The following GLIPR2 variants were observed in gnomAD, a reference collection of about 807,000 sequenced individuals.
GLIPR2 encodes Golgi-associated plant pathogenesis-related protein 1.
GLIPR2 carries 21 observed loss-of-function variants against 20.4 expected under a neutral mutation model. The observed-to-expected ratio is 1.03, with a 90% confidence interval of 0.73 to 1.48. The LOEUF is 1.48. Among genes scored for constraint, GLIPR2 ranks in the 40% most tolerant of loss-of-function variants. The pLI is 0.00. For synonymous variants in GLIPR2, 91 were observed against 80.5 expected, an observed-to-expected ratio of 1.13 and a Z score of -0.70; for missense variants, 205 against 200.1, an observed-to-expected ratio of 1.02 and a Z score of -0.15.
chr9:36,145,773 T>TGGTTGGTTCGA (rs1320705955), intron 1 of GLIPR2, among the ~76,000 whole-genome samples: 22 of 152,208 alleles, frequency 1.4e-4, no homozygotes, highest in African/African-American at 5.3e-4. Context: ...TGGAAGATGT[T>TGGTTGGTTCGA]GGATGGATGG....
At chr9:36,149,661 G>T (rs1305824260) in intron 3 of GLIPR2, among the ~76,000 whole-genome samples, 1 of 152,202 alleles carries the variant, frequency 6.6e-6, no homozygotes, top group East Asian at 1.9e-4. Context: ...CTACAGAGAG[G>T]GGGTTGGGTA....
intron 1 of GLIPR2, among the ~76,000 whole-genome samples, chr9:36,146,601 AT>A (rs1195441084): frequency 7.2e-5 from 11 of 152,224 alleles, no homozygotes; most frequent in African/African-American, 2.7e-4. Context: ...CTATTCCAAA[AT>A]ACATTGGTGG....
chr9:36,154,803 C>T (rs1367043390), intron 4 of GLIPR2, among the ~76,000 whole-genome samples: 1 of 152,222 alleles, frequency 6.6e-6, no homozygotes, highest in Admixed American at 6.5e-5. Flanking sequence ...CTGCCACAGG[C>T]ACTCGTGCTG....
chr9:36,154,101 TC>T (rs61572959), intron 4 of GLIPR2, among the ~76,000 whole-genome samples: 1 of 137,382 alleles, frequency 7.3e-6, no homozygotes, highest in African/African-American at 2.7e-5. Flanking sequence ...ATATATCTTT[TC>T]CCCCCCCCTT....
chr9:36,154,197 C>T (rs1444842720), intron 4 of GLIPR2, among the ~76,000 whole-genome samples: 4 of 151,522 alleles, frequency 2.6e-5, no homozygotes, highest in Non-Finnish European at 5.9e-5. Context: ...CAGGTTCACG[C>T]GATTCTCCCA....
At chr9:36,152,886 AT>A (rs1825656927) in intron 4 of GLIPR2, among the ~76,000 whole-genome samples, 1 of 148,172 alleles carries the variant, frequency 6.7e-6, no homozygotes, top group African/African-American at 2.5e-5. Flanking sequence ...AGGCAGGCGA[AT>A]CACTTGAGGT....
intron 4 of GLIPR2, among the ~76,000 whole-genome samples, chr9:36,153,467 T>A (rs1449977479): frequency 6.6e-6 from 1 of 152,200 alleles, no homozygotes; most frequent in East Asian, 1.9e-4. Flanking sequence ...GGTGTCATAA[T>A]GGGGGCTTGC....
intron 1 of GLIPR2, among the ~76,000 whole-genome samples, chr9:36,137,961 C>G (rs1316928881): frequency 1.3e-5 from 2 of 152,258 alleles, no homozygotes; most frequent in Non-Finnish European, 2.9e-5. Context: ...CCCAGCCAAT[C>G]ACTGGCTGTG....
At chr9:36,138,201 C>G (rs964179663) in intron 1 of GLIPR2, among the ~76,000 whole-genome samples, 1 of 152,040 alleles carries the variant, frequency 6.6e-6, no homozygotes, top group Non-Finnish European at 1.5e-5. Flanking sequence ...TGGAGAAAAT[C>G]CACAAATTCC....
intron 4 of GLIPR2, among the ~76,000 whole-genome samples, chr9:36,161,807 G>A (rs1375290903): frequency 6.6e-6 from 1 of 152,200 alleles, no homozygotes; most frequent in African/African-American, 2.4e-5. Context: ...GGGGCCACTG[G>A]GCTTTGTCGT....
chr9:36,150,505 A>G (rs1282469873), intron 3 of GLIPR2, among the ~76,000 whole-genome samples: 2 of 152,218 alleles, frequency 1.3e-5, no homozygotes, highest in Non-Finnish European at 2.9e-5. Context: ...TCGGAGCATC[A>G]TCAGAAGGCC....
Position 36,150,872 on chromosome 9 carries a change from G to T in GLIPR2, c.227G>T (p.Gly76Val). Reference protein sequence around the residue: ...NLAWASYDQTGKEVADRWYSE... With the variant: ...NLAWASYDQTVKEVADRWYSE... ...TTAGAACAATGTCATTTCCACACAGGAAAGGAGGTGGCTGATAGATGGTAC... is the reference window on the plus strand; with the variant it reads ...TTAGAACAATGTCATTTCCACACAGTAAAGGAGGTGGCTGATAGATGGTAC... The change falls in exon 4 of 5, where the codon GGA (glycine) becomes GTA (valine). Residue 76 changes from glycine (G) to valine (V), a missense_variant and splice_region_variant. Transcript: ENST00000377960. 1 of 1,611,302 alleles carries T rather than the reference G, an allele frequency of 6.2e-7. No individual in the cohort carries two copies. Among genetic ancestry groups the T allele is most frequent in the Non-Finnish European group, 8.5e-7 (1 of 1,177,646 alleles).
chr9:36,145,581 T>C (rs1053452578), intron 1 of GLIPR2, among the ~76,000 whole-genome samples: 1 of 152,134 alleles, frequency 6.6e-6, no homozygotes, highest in Non-Finnish European at 1.5e-5. Flanking sequence ...ATGGTAGATG[T>C]ATGGATGAAT....
chr9:36,148,723 T>G (rs1825449573), intron 3 of GLIPR2, 73 bp downstream of exon 3: 1 of 1,003,038 alleles, frequency 1.0e-6, no homozygotes, highest in South Asian at 1.3e-5. Context: ...AAATGCCTCC[T>G]GGCCCCAGCA....
At chr9:36,154,954 G>A (rs1825767109) in intron 4 of GLIPR2, among the ~76,000 whole-genome samples, 2 of 152,340 alleles carry the variant, frequency 1.3e-5, no homozygotes, top group Admixed American at 1.3e-4. Flanking sequence ...GTGTGAGAAA[G>A]GACTTGAGCC....
chr9:36,159,759 G>A (rs1199315290), intron 4 of GLIPR2, among the ~76,000 whole-genome samples: 1 of 152,072 alleles, frequency 6.6e-6, no homozygotes, highest in Non-Finnish European at 1.5e-5. Flanking sequence ...CTGAGGTCAG[G>A]AGTTCAAGAC....
intron 4 of GLIPR2, among the ~76,000 whole-genome samples, chr9:36,160,645 C>T (rs1360857111): frequency 6.6e-6 from 1 of 152,038 alleles, no homozygotes; most frequent in African/African-American, 2.4e-5. Context: ...GAGAGGAGGC[C>T]ACTGCACCAA....
At chr9:36,159,314 A>C (rs1047111443) in intron 4 of GLIPR2, among the ~76,000 whole-genome samples, 1 of 152,220 alleles carries the variant, frequency 6.6e-6, no homozygotes, top group African/African-American at 2.4e-5. Context: ...GAAGGATTTG[A>C]ACGAGGCTGT....
chr9:36,162,319 C>G (rs1210915500), intron 4 of GLIPR2, 43 bp from the exon 5 acceptor site: 1 of 1,600,072 alleles, frequency 6.2e-7, no homozygotes, highest in Admixed American at 1.7e-5. Context: ...TCAGGCTCTG[C>G]TAATTCAGCC....
Sources: gnomAD v4.1 joint callset for allele counts (sites outside exome capture counted in the v4.1 genomes callset) on GRCh38, gnomAD v4.1.1 for gene constraint, MANE v1.5 for transcripts, NCBI Gene and HGNC (gene_info 2026-07-23, HGNC 2026-07-21) for gene names.